MACROD2: variants seen among roughly 807,000 people sequenced by gnomAD.
The protein encoded by MACROD2 is ADP-ribose glycohydrolase MACROD2.
A neutral mutation model predicts 70.4 loss-of-function variants in MACROD2; 36 were observed. The ratio of observed to expected loss-of-function variants is 0.51; its 90% CI spans 0.39 to 0.68. The LOEUF is 0.68. Ranked by LOEUF, MACROD2 falls within the 30% of genes least tolerant of loss-of-function variation. The probability of loss-of-function intolerance (pLI) is 0.00; values close to 1 mark genes in which losing one functional copy is unlikely to be tolerated. For synonymous variants in MACROD2, 172 were observed against 178.8 expected (o/e 0.96, Z 0.30); for missense variants, 496 against 538.4 (o/e 0.92, Z 0.78).
intron 8 of MACROD2, among the ~76,000 whole-genome samples, chr20:15,688,992 TAGG>T (rs1240324505): frequency 6.6e-6 from 1 of 152,232 alleles, no homozygotes; most frequent in Non-Finnish European, 1.5e-5. Context: ...CGCTGGATAC[TAGG>T]AGGACATTGT....
At position 14,103,050 on chromosome 20, in the gene MACROD2, G is replaced by A. The variant is rs115277256; in HGVS notation, c.271+17322G>A. 7.5e-3 allele frequency among the ~76,000 whole-genome samples: 1,138 copies of A among 152,102 alleles called. 16 individuals are homozygous for A. Among genetic ancestry groups the A allele is most frequent in the African/African-American group, 0.023 (938 of 41,504 alleles). On this transcript the variant is annotated intron_variant, in intron 3 of 17. Coordinates refer to ENST00000684519, the MANE Select transcript of MACROD2 (RefSeq NM_001351661.2). ...TTGTTATTTAGCCCTGCATCTCAGC[G>A]TCTTTTTCTTCAATCTGACTTATCA... is the stretch of plus-strand genomic sequence containing the variant.
chr20:15,820,884 G>C (rs991284793), intron 8 of MACROD2, among the ~76,000 whole-genome samples: 1 of 152,140 alleles, frequency 6.6e-6, no homozygotes. Context: ...TTAGACTTCA[G>C]AGCCCCAAGT....
chr20:14,762,846 C>T (rs6135255), intron 5 of MACROD2, among the ~76,000 whole-genome samples: 8,097 of 152,100 alleles, frequency 0.053, 346 homozygotes, highest in East Asian at 0.18. Flanking sequence ...ACAAAAACTG[C>T]TTGAACCCAG....
At chr20:15,480,504 C>T (rs934076987) in intron 7 of MACROD2, among the ~76,000 whole-genome samples, 41 of 152,220 alleles carry the variant, frequency 2.7e-4, no homozygotes, top group African/African-American at 9.9e-4. Context: ...TTTATAATAG[C>T]ACAATTCCCT....
At chr20:14,943,929 T>C (rs2074409947) in intron 5 of MACROD2, among the ~76,000 whole-genome samples, 1 of 152,196 alleles carries the variant, frequency 6.6e-6, no homozygotes, top group Non-Finnish European at 1.5e-5. Context: ...GATATGTTTC[T>C]TTTTATTGTT....
chr20:15,881,787 A>G (rs1041398723), intron 9 of MACROD2, among the ~76,000 whole-genome samples: 8 of 152,184 alleles, frequency 5.3e-5, no homozygotes, highest in African/African-American at 1.9e-4. Flanking sequence ...AGGTTAAACT[A>G]TAAACTAAAT....
At chr20:15,877,143 T>C (rs888616157) in intron 9 of MACROD2, among the ~76,000 whole-genome samples, 55 of 152,158 alleles carry the variant, frequency 3.6e-4, no homozygotes, top group African/African-American at 1.3e-3. Context: ...ATCTTTTCTT[T>C]CTGACCGTCA....
intron 15 of MACROD2, among the ~76,000 whole-genome samples, chr20:16,003,808 T>C (rs1340418688): frequency 6.6e-6 from 1 of 152,080 alleles, no homozygotes; most frequent in Non-Finnish European, 1.5e-5. Context: ...GTAGCTGGGA[T>C]TACAGGCAAG....
chr20:15,678,766 A>G (rs1449366195), intron 8 of MACROD2, among the ~76,000 whole-genome samples: 1 of 150,900 alleles, frequency 6.6e-6, no homozygotes, highest in Non-Finnish European at 1.5e-5. Context: ...GTATGGCAGG[A>G]TGGGAGTGTA....
intron 5 of MACROD2, among the ~76,000 whole-genome samples, chr20:14,848,950 G>A (rs1467038894): frequency 8.6e-5 from 13 of 152,018 alleles, no homozygotes; most frequent in Admixed American, 2.0e-4. Context: ...ATCACTTATC[G>A]GTCGTGGCAT....
At chr20:15,474,939 C>G (rs770195323) in intron 7 of MACROD2, among the ~76,000 whole-genome samples, 1 of 152,126 alleles carries the variant, frequency 6.6e-6, no homozygotes, top group Non-Finnish European at 1.5e-5. Flanking sequence ...GCTTCCCCCT[C>G]GCCCCTACGG....
At chr20:14,749,802 A>C (rs1264580928) in intron 5 of MACROD2, among the ~76,000 whole-genome samples, 1 of 152,160 alleles carries the variant, frequency 6.6e-6, no homozygotes, top group Non-Finnish European at 1.5e-5. Flanking sequence ...TGAATCTTCT[A>C]ATAGAAAGTG....
intron 3 of MACROD2, among the ~76,000 whole-genome samples, chr20:14,188,006 T>C (rs1338007970): frequency 1.3e-5 from 2 of 152,158 alleles, no homozygotes; most frequent in African/African-American, 4.8e-5. Context: ...AGTAATGAGA[T>C]TCAAGTGACT....
chr20:14,539,740 T>C (rs1027132499), intron 4 of MACROD2, among the ~76,000 whole-genome samples: 2 of 152,240 alleles, frequency 1.3e-5, no homozygotes, highest in African/African-American at 4.8e-5. Flanking sequence ...ATAATGCTGC[T>C]AATGTATAGA....
At chr20:14,541,346 C>T (rs1228879835) in intron 4 of MACROD2, among the ~76,000 whole-genome samples, 1 of 152,030 alleles carries the variant, frequency 6.6e-6, no homozygotes, top group Admixed American at 6.6e-5. Flanking sequence ...TTTTAGTGCT[C>T]CCTCTCTGTT....
chr20:15,636,071 C>CAAAAAAAAAAAAAA (rs1178846767), intron 8 of MACROD2, among the ~76,000 whole-genome samples: 9 of 27,906 alleles, frequency 3.2e-4, no homozygotes, highest in South Asian at 1.9e-3. Context: ...GGCTCCCTCT[C>CAAAAAAAAAAAAAA]AAAAGAAAAA....
chr20:14,456,546 T>G (rs2084304261), intron 3 of MACROD2, among the ~76,000 whole-genome samples: 1 of 151,752 alleles, frequency 6.6e-6, no homozygotes, highest in South Asian at 2.1e-4. Flanking sequence ...CTGTTTACAC[T>G]TAGACATTTC....
intron 4 of MACROD2, among the ~76,000 whole-genome samples, chr20:14,586,240 T>G (rs928173481): frequency 1.3e-5 from 2 of 151,772 alleles, no homozygotes; most frequent in Non-Finnish European, 2.9e-5. Flanking sequence ...AGTGGCTGTG[T>G]GTATGTGTGT....
At chr20:15,602,188 C>T (rs2048831501) in intron 8 of MACROD2, among the ~76,000 whole-genome samples, 1 of 152,186 alleles carries the variant, frequency 6.6e-6, no homozygotes, top group Non-Finnish European at 1.5e-5. Context: ...CTACCAGCCT[C>T]TATACGGATT....
Sources: allele counts gnomAD v4.1 joint callset (sites outside exome capture counted in the v4.1 genomes callset), GRCh38; gene constraint gnomAD v4.1.1; transcripts MANE v1.5; gene names NCBI Gene and HGNC (gene_info 2026-07-23, HGNC 2026-07-21).